The following SLC18A2 variants were observed in gnomAD, a reference collection of about 807,000 sequenced individuals.
SLC18A2 encodes synaptic vesicular amine transporter.
Under a neutral mutation model 59.2 loss-of-function variants are expected in SLC18A2, and 33 were observed. The observed-to-expected ratio is 0.56, with a 90% confidence interval of 0.42 to 0.75. SLC18A2 has a LOEUF of 0.75. Ranked by LOEUF, SLC18A2 falls within the 30% of genes least tolerant of loss-of-function variation. The pLI, the probability that SLC18A2 is intolerant of heterozygous loss-of-function variation, is 0.00. For missense variants in SLC18A2, 569 were observed against 668.6 expected, an observed-to-expected ratio of 0.85 and a Z score of 1.64; for synonymous variants, 228 against 253.5, an observed-to-expected ratio of 0.90 and a Z score of 0.95.
rs1406265692 is a variant in SLC18A2, at chr10:117,269,390, A to AT, written c.1187-680dup. ...TAGACATACACAGATACATATATACATATACATACATACTCATAAATACAC... is the reference window on the plus strand; with the variant it reads ...TAGACATACACAGATACATATATACATTATACATACATACTCATAAATACAC... On this transcript the variant is annotated intron_variant, in intron 13 of 15. Coordinates refer to ENST00000644641, the MANE Select transcript of SLC18A2 (RefSeq NM_003054.6). The surrounding 1 kb of genome is among the most constrained non-coding windows in gnomAD (Gnocchi z 5.1). Among the ~76,000 whole-genome samples the AT allele has an allele frequency of 1.3e-5, 2 of 152,190 alleles. No homozygotes were observed. The highest frequency in any genetic ancestry group is 2.4e-5 in the African/African-American group (1 of 41,436).
chr10:117,255,726 G>A, intron 9 of SLC18A2, 69 bp downstream of exon 9: 1 of 1,431,232 alleles, frequency 7.0e-7, no homozygotes, highest in Non-Finnish European at 9.6e-7. Context: ...GGCAGGGGTG[G>A]ATGGCCAGGG....
Position 117,257,859 on chromosome 10 carries a change from A to T in SLC18A2, c.958A>T (p.Met320Leu), listed in dbSNP as rs1844247711. Residue 320 changes from methionine to leucine, a missense_variant, in exon 10 of 16, where the codon ATG (methionine) becomes TTG (leucine). Physicochemically the swap from Met to Leu is conservative, Grantham distance 15 (BLOSUM62 2). Around this residue, in one of 2 missense-constraint regions of SLC18A2, gnomAD observed 192 missense variants for 278.8 expected, o/e 0.69. Coordinates refer to ENST00000644641, the MANE Select transcript of SLC18A2 (RefSeq NM_003054.6). ...GGAGCCAGCCCTGCCCATCTGGATG[A>T]TGGAGACCATGTGTTCCCGAAAGTG... ...MLEPALPIWMMETMCSRKWQL... is the reference protein window; with the variant it reads ...MLEPALPIWMLETMCSRKWQL... The T allele has an allele frequency of 6.2e-7, 1 of 1,612,288 alleles. No individual in the cohort carries two copies. Among genetic ancestry groups the T allele is most frequent in the African/African-American group, 1.3e-5 (1 of 74,846 alleles).
chr10:117,258,711 T>A (rs1365365622), intron 10 of SLC18A2, among the ~76,000 whole-genome samples: 1 of 151,672 alleles, frequency 6.6e-6, no homozygotes, highest in East Asian at 1.9e-4. Context: ...CGTTTTTAGA[T>A]CTTTCTTCTG....
At chr10:117,241,342 A>G (rs1844049075) in intron 1 of SLC18A2, 122 bp downstream of exon 1, 1 of 193,254 alleles carries the variant, frequency 5.2e-6, no homozygotes, top group Admixed American at 6.4e-5. Flanking sequence ...ACCCCGGGGC[A>G]GCCGGGGCGC....
At chr10:117,253,023 T>C (rs751340032) in intron 3 of SLC18A2, among the ~76,000 whole-genome samples, 16 of 152,230 alleles carry the variant, frequency 1.1e-4, no homozygotes, top group Non-Finnish European at 2.2e-4. Context: ...TTGATGGCCT[T>C]TTACCCGAAT....
chr10:117,254,026 C>T (rs751941846), intron 4 of SLC18A2, 22 bp from the exon 5 acceptor site: 2 of 1,611,284 alleles, frequency 1.2e-6, no homozygotes, highest in Non-Finnish European at 1.7e-6. Context: ...GATGTGCGGT[C>T]TTGGACCCCC....
At chr10:117,266,111 A>AAAAT (rs1554952656) in intron 10 of SLC18A2, among the ~76,000 whole-genome samples, 1 of 150,788 alleles carries the variant, frequency 6.6e-6, no homozygotes. Flanking sequence ...AAAAAAAAAA[A>AAAAT]TCTGACTTGA....
Position 117,254,430 on chromosome 10 carries a change from C to T in SLC18A2, c.633C>T (p.Tyr211=). ...VAGMGMLASV[Y]TDDEERGNVM... Reference sequence around the variant, plus strand: ...GGATGGGCATGCTTGCCAGTGTCTACACAGATGATGAAGAGAGAGGCAACG... The same window carrying T: ...GGATGGGCATGCTTGCCAGTGTCTATACAGATGATGAAGAGAGAGGCAACG... Residue 211 remains tyrosine, a synonymous_variant, in exon 6 of 16, where the codon TAC becomes TAT. Coordinates refer to ENST00000644641, the MANE Select transcript of SLC18A2 (RefSeq NM_003054.6). 1 of 1,608,346 alleles carries T rather than the reference C, an allele frequency of 6.2e-7. No individual in the cohort carries two copies.
At chr10:117,264,306 A>G (rs534887400) in intron 10 of SLC18A2, among the ~76,000 whole-genome samples, 1 of 152,348 alleles carries the variant, frequency 6.6e-6, no homozygotes, top group African/African-American at 2.4e-5. Flanking sequence ...AGTCGGGAGA[A>G]GCCCTAGAAA....
In SLC18A2 at chr10:117,266,630, G is replaced by A. The variant is rs117957089; in HGVS notation, c.992-103G>A. On this transcript the variant is annotated intron_variant, in intron 10 of 15. Transcript: ENST00000644641. The stretch of plus-strand genomic sequence containing the variant: ...GCTGGGGTGTGGGCCCCGGGGCTTC[G>A]TTTTATCTGCTCTCATCAACATTGT... 123 of 936,778 alleles carry A rather than the reference G, an allele frequency of 1.3e-4. No individual in the cohort carries two copies. In the East Asian group the frequency reaches 1.7e-3, roughly 13 times the overall value. 58.0% of individuals were successfully genotyped at this position (936,778 alleles called of 1,614,324 possible).
At chr10:117,266,684 A>C (rs1171621854) in intron 10 of SLC18A2, 49 bp from the exon 11 acceptor site, 1 of 1,380,000 alleles carries the variant, frequency 7.2e-7, no homozygotes, top group Non-Finnish European at 1.0e-6. Context: ...TTTTTCTAAC[A>C]TATGACTGAT....
chr10:117,267,460 GT>G, intron 12 of SLC18A2: 2 of 463,800 alleles, frequency 4.3e-6, no homozygotes, highest in Non-Finnish European at 7.8e-6. Context: ...CCGGTGACAA[GT>G]TTTTCATGGT....
chr10:117,255,220 A>G (rs1283338892), intron 6 of SLC18A2, 57 bp from the exon 7 acceptor site: 1 of 1,458,950 alleles, frequency 6.9e-7, no homozygotes, highest in Non-Finnish European at 9.6e-7. Flanking sequence ...AGATGGTTCT[A>G]GTACAGGGAG....
intron 2 of SLC18A2, among the ~76,000 whole-genome samples, 160 bp from the exon 3 acceptor site, chr10:117,243,811 C>T (rs1167088121): frequency 6.6e-6 from 1 of 152,112 alleles, no homozygotes; most frequent in Non-Finnish European, 1.5e-5. Context: ...GTCTCGAACT[C>T]CTGACCTCAG....
At chr10:117,267,757 G>A in intron 13 of SLC18A2, 21 bp downstream of exon 13, 3 of 1,535,224 alleles carry the variant, frequency 2.0e-6, no homozygotes, top group Non-Finnish European at 2.7e-6. Context: ...CGAACCTTGT[G>A]CCTACATTTA....
intron 3 of SLC18A2, among the ~76,000 whole-genome samples, chr10:117,246,039 G>C (rs1481470373): frequency 1.1e-4 from 16 of 152,184 alleles, no homozygotes; most frequent in Admixed American, 1.0e-3. Flanking sequence ...TCTGTTCTCA[G>C]GAGAAAAACC....
intron 3 of SLC18A2, among the ~76,000 whole-genome samples, chr10:117,251,584 G>A (rs1224199129): frequency 6.6e-6 from 1 of 152,196 alleles, no homozygotes; most frequent in African/African-American, 2.4e-5. Context: ...GGGACTGACT[G>A]TCTGGGAATC....
rs750330569 is a variant in SLC18A2, at chr10:117,267,681, T to C, written c.1131T>C (p.Phe377=). 4.0e-5 allele frequency: 63 copies of C among 1,563,952 alleles called. 1 individual carries two copies. In the Admixed American group the frequency reaches 7.6e-4, roughly 19 times the overall value. Residue 377 remains phenylalanine, a synonymous_variant, in exon 13 of 16, where the codon TTT becomes TTC. Transcript: ENST00000644641. The part of the protein sequence containing the change: ...IVGVSILCIP[F]AKNIYGLIAP... ...TTTATTTCCTCTTACAGATTCCATT[T>C]GCAAAAAACATTTATGGACTCATAG...
At chr10:117,260,500 G>A (rs767709840) in intron 10 of SLC18A2, among the ~76,000 whole-genome samples, 15 of 152,170 alleles carry the variant, frequency 9.9e-5, no homozygotes, top group East Asian at 1.9e-4. Context: ...GTATGGGGGC[G>A]GAAGGGGGCA....
Sources: gnomAD v4.1 joint callset for allele counts (sites outside exome capture counted in the v4.1 genomes callset) on GRCh38, gnomAD v4.1.1 for gene constraint, gnomAD v4.1.1 regional missense constraint, Gnocchi (gnomAD v3.1) non-coding constraint, MANE v1.5 for transcripts, NCBI Gene and HGNC (gene_info 2026-07-23, HGNC 2026-07-21) for gene names.